PPP2R3B: variants seen among roughly 807,000 people sequenced by gnomAD.
The protein encoded by PPP2R3B is protein phosphatase 2 regulatory subunit B''beta.
Under a neutral mutation model 72.9 loss-of-function variants are expected in PPP2R3B, and 68 were observed. The observed-to-expected ratio is 0.93, with a 90% confidence interval of 0.77 to 1.14. The LOEUF (loss-of-function observed/expected upper bound fraction) is 1.14, where lower values mean the gene tolerates loss of function less well. Ranked by LOEUF, PPP2R3B falls within the 50% of genes most tolerant of loss-of-function variation. The probability of loss-of-function intolerance (pLI) is 0.00; values close to 1 mark genes in which losing one functional copy is unlikely to be tolerated. For synonymous variants in PPP2R3B, 466 were observed against 375.8 expected, an observed-to-expected ratio of 1.24 and a Z score of -2.78; for missense variants, 1,018 against 842.0, an observed-to-expected ratio of 1.21 and a Z score of -2.59.
chrX:345,681 G>A lies in PPP2R3B; in HGVS notation c.880-9C>T, dbSNP rs756709977. On this transcript the variant is annotated splice_polypyrimidine_tract_variant and intron_variant, in intron 6 of 12. Transcript: ENST00000390665. The stretch of plus-strand genomic sequence containing the variant: ...TCCAGCAGCGCCACATTCTGCCAAA[G>A]GACCCAGGCGGCCTGAGCGCGGGGC... The A allele has an allele frequency of 6.2e-7, 1 of 1,611,880 alleles. No individual in the cohort carries two copies. Among genetic ancestry groups the A allele is most frequent in the East Asian group, 2.2e-5 (1 of 44,750 alleles).
chrX:353,973 TCACC>T (rs1417599355), intron 2 of PPP2R3B, among the ~76,000 whole-genome samples: 2 of 132,514 alleles, frequency 1.5e-5, no homozygotes, highest in Non-Finnish European at 3.1e-5. Flanking sequence ...AGACCAGGGC[TCACC>T]CAAAGACCAG....
rs866162579 is a variant in PPP2R3B, at chrX:364,528, A to C, written c.325-2938T>G. ...TACTAAAAAAAAAAAAAACAAAAAA[A>C]AAAAAACAGAAAACAAAAAACAAAA... On this transcript the variant is annotated intron_variant, in intron 1 of 12. Transcript: ENST00000390665. 2.8e-3 allele frequency among the ~76,000 whole-genome samples: 415 copies of C among 147,930 alleles called. 7 individuals are homozygous for C. The highest frequency in any genetic ancestry group is 9.8e-3 in the African/African-American group (392 of 40,072).
intron 2 of PPP2R3B, among the ~76,000 whole-genome samples, chrX:354,940 G>A (rs1008811652): frequency 6.6e-5 from 10 of 152,246 alleles, no homozygotes; most frequent in South Asian, 2.1e-4. Flanking sequence ...GGGCCGCTGC[G>A]TCACGGACGA....
At chrX:383,336 A>G (rs1407439565) in intron 1 of PPP2R3B, among the ~76,000 whole-genome samples, 1 of 152,106 alleles carries the variant, frequency 6.6e-6, no homozygotes, top group Non-Finnish European at 1.5e-5. Context: ...TGACATGCTT[A>G]TTAGTGCTGC....
chrX:334,253 G>C lies in PPP2R3B; in HGVS notation c.*114C>G, dbSNP rs949355626. ...AACACGCTTCTGTGAATAAATAAAA[G>C]TTTATCATTCCGTACAAACGCACTC... On this transcript the variant is annotated 3_prime_UTR_variant, in exon 13 of 13. Coordinates refer to ENST00000390665, the MANE Select transcript of PPP2R3B (RefSeq NM_013239.5). The C allele has an allele frequency of 2.6e-5, 32 of 1,219,102 alleles. No homozygotes were observed. The highest frequency in any genetic ancestry group is 9.7e-6 in the Non-Finnish European group (9 of 932,008). 75.5% of individuals were successfully genotyped at this position (1,219,102 alleles called of 1,614,324 possible). A position where few individuals can be genotyped will look rare whatever the true frequency, so the allele number is the denominator to read the frequency against.
intron 4 of PPP2R3B, 108 bp from the exon 5 acceptor site, chrX:346,883 G>A (rs1222730202): frequency 1.5e-5 from 16 of 1,068,382 alleles, no homozygotes; most frequent in African/African-American, 3.2e-5. Flanking sequence ...TGAGGTGTGC[G>A]GTGTAGACGC....
chrX:340,646 T>A (rs2071038205), intron 10 of PPP2R3B, 119 bp downstream of exon 10: 2 of 101,038 alleles, frequency 2.0e-5, no homozygotes, highest in Non-Finnish European at 2.7e-5. Context: ...CCCCTCTCCC[T>A]GGGCTGTCAT....
intron 8 of PPP2R3B, 30 bp downstream of exon 8, chrX:341,853 G>A (rs2071085813): frequency 1.2e-6 from 2 of 1,611,650 alleles, no homozygotes; most frequent in East Asian, 4.5e-5. Flanking sequence ...AGGGGCAATG[G>A]CTGCCGTCAG....
At chrX:350,423 C>T (rs1317769681) in intron 2 of PPP2R3B, among the ~76,000 whole-genome samples, 8 of 152,214 alleles carry the variant, frequency 5.3e-5, no homozygotes, top group South Asian at 2.1e-4. Context: ...GCTACCGGCA[C>T]GGTGAACACC....
chrX:338,519 CACCCG>C, intron 12 of PPP2R3B, 80 bp downstream of exon 12: 1 of 393,236 alleles, frequency 2.5e-6, no homozygotes. Flanking sequence ...GCTGCACACA[CACCCG>C]TCCTCCCACT....
intron 7 of PPP2R3B, chrX:344,787 C>T (rs2071160992): frequency 1.4e-5 from 4 of 277,816 alleles, no homozygotes; most frequent in South Asian, 1.4e-4. Flanking sequence ...GGATCTACTG[C>T]GGCCACGCGA....
intron 9 of PPP2R3B, 136 bp from the exon 10 acceptor site, chrX:341,076 C>G (rs1212950058): frequency 1.5e-6 from 2 of 1,295,692 alleles, no homozygotes; most frequent in African/African-American, 1.5e-5. Flanking sequence ...TGCAGGCATC[C>G]CCTGCCCCCT....
chrX:348,728 T>C (rs2071273640), intron 2 of PPP2R3B, among the ~76,000 whole-genome samples: 1 of 152,010 alleles, frequency 6.6e-6, no homozygotes, highest in Non-Finnish European at 1.5e-5. Context: ...TAAACTACAA[T>C]AGAAAATCTG....
chrX:383,110 C>G (rs759366259), intron 1 of PPP2R3B, among the ~76,000 whole-genome samples: 8 of 152,282 alleles, frequency 5.3e-5, no homozygotes, highest in African/African-American at 1.9e-4. Context: ...AGGGCCTGAG[C>G]CAGACGGTCT....
At chrX:363,391 C>G in intron 1 of PPP2R3B, among the ~76,000 whole-genome samples, 3 of 150,982 alleles carry the variant, frequency 2.0e-5, no homozygotes, top group Admixed American at 1.3e-4. Context: ...AGTGCATCTC[C>G]CCGAGCCCGC....
In PPP2R3B at chrX:346,156, C is replaced by A. The variant is rs1303945461; in HGVS notation, c.879+18G>T. 2.6e-6 allele frequency: 4 copies of A among 1,516,462 alleles called. No homozygotes were observed. The highest frequency in any genetic ancestry group is 2.5e-5 in the East Asian group (1 of 39,804). The allele number at this position is 1,516,462 out of a possible 1,614,324, so 93.9% of individuals were successfully genotyped here. ...TAGGGACAAGGCAGGGGGCAGGGGA[C>A]AGGGGGCCGCTCCGCACCTGCAGGA... On this transcript the variant is annotated intron_variant, in intron 6 of 12. Transcript: ENST00000390665.
chrX:345,204 G>A (rs1429535439), intron 7 of PPP2R3B: 12 of 604,292 alleles, frequency 2.0e-5, no homozygotes, highest in Non-Finnish European at 2.8e-5. Flanking sequence ...GCCCTTGCTC[G>A]GGTGTTAACA....
chrX:378,657 C>A (rs1359039188), intron 1 of PPP2R3B, among the ~76,000 whole-genome samples: 2 of 151,930 alleles, frequency 1.3e-5, no homozygotes, highest in Admixed American at 1.3e-4. Context: ...TCTCAGGAAA[C>A]GGCATGGTTC....
Position 363,598 on chromosome X carries a change from T to A in PPP2R3B, c.325-2008A>T, listed in dbSNP as rs5945456. On this transcript the variant is annotated intron_variant, in intron 1 of 12. Transcript: ENST00000390665. ...CACGATCCCACAATGCATCTCCCCG[T>A]GCCCGCAATCCCACAATGCATCTCC... Among the ~76,000 whole-genome samples the A allele has an allele frequency of 6.8e-3, 673 of 99,088 alleles. 13 individuals are homozygous for A. Among genetic ancestry groups the A allele is most frequent in the East Asian group, 0.011 (31 of 2,824 alleles). 65.0% of individuals were successfully genotyped at this position (99,088 alleles called of 152,430 possible).
Sources: gnomAD v4.1 joint callset for allele counts (sites outside exome capture counted in the v4.1 genomes callset) on GRCh38, gnomAD v4.1.1 for gene constraint, MANE v1.5 for transcripts, NCBI Gene and HGNC (gene_info 2026-07-23, HGNC 2026-07-21) for gene names.